The following ZNF330 variants were observed in gnomAD, a reference collection of about 807,000 sequenced individuals.
ZNF330 encodes zinc finger protein 330.
ZNF330 carries 31 observed loss-of-function variants against 45.5 expected under a neutral mutation model. The observed-to-expected ratio is 0.68, with a 90% CI of 0.51 to 0.92. ZNF330 has a LOEUF of 0.92. Ranked by LOEUF, ZNF330 falls within the 40% of genes least tolerant of loss-of-function variation. The pLI is 0.00. For missense variants in ZNF330, 356 were observed against 387.4 expected (o/e 0.92, Z 0.68); for synonymous variants, 138 against 123.2 (o/e 1.12, Z -0.79).
Position 141,234,625 on chromosome 4 carries a change from A to AAAT in ZNF330, c.*638_*640dup, listed in dbSNP as rs1465949534. 2 of 152,188 alleles carry AAAT rather than the reference A, an allele frequency of 1.3e-5. No homozygotes were observed. Among genetic ancestry groups the AAAT allele is most frequent in the Middle Eastern group, 3.2e-3 (1 of 316 alleles). The allele number at this position is 152,188 out of a possible 1,614,324, so 9.4% of individuals were successfully genotyped here. ...CCATTTTTCAGAGATACAGTATCAGAAATAGTATTATTACAGAAGCTTTAC... is the reference window on the plus strand; with the variant it reads ...CCATTTTTCAGAGATACAGTATCAGAAATAATAGTATTATTACAGAAGCTTTAC... On this transcript the variant is annotated 3_prime_UTR_variant, in exon 10 of 10. Transcript: ENST00000262990.
rs749682527 is a variant in ZNF330, at chr4:141,233,927, A to T, written c.901A>T (p.Asn301Tyr). ...TACTGAGTCATCAGATTTGTTTACT[A>T]ATTTGAATTTAGGAAGGACCTATGC... The part of the protein sequence containing the change: ...SDTESSDLFT[N>Y]LNLGRTYASG... The change falls in exon 10 of 10, where the codon AAT (asparagine) becomes TAT (tyrosine). Residue 301 changes from asparagine to tyrosine, a missense_variant. Coordinates refer to ENST00000262990, the MANE Select transcript of ZNF330 (RefSeq NM_014487.6). 5 of 1,613,630 alleles carry T rather than the reference A, an allele frequency of 3.1e-6. No individual in the cohort carries two copies. The highest frequency in any genetic ancestry group is 4.2e-6 in the Non-Finnish European group (5 of 1,179,760).
At chr4:141,222,290 T>C in intron 1 of ZNF330, 76 bp from the exon 2 acceptor site, 1 of 1,516,488 alleles carries the variant, frequency 6.6e-7, no homozygotes, top group Non-Finnish European at 8.9e-7. Flanking sequence ...CACTTTGTTA[T>C]ACTATTTCTT....
At chr4:141,227,066 A>G (rs561514356) in intron 5 of ZNF330, among the ~76,000 whole-genome samples, 2 of 151,054 alleles carry the variant, frequency 1.3e-5, no homozygotes, top group South Asian at 2.1e-4. Context: ...CATACAAGGC[A>G]TGGAAACTTT....
intron 4 of ZNF330, 58 bp downstream of exon 4, chr4:141,224,735 G>T: frequency 6.9e-7 from 1 of 1,459,356 alleles, no homozygotes; most frequent in South Asian, 1.2e-5. Flanking sequence ...TCAACAATTT[G>T]AACTTGGGTG....
chr4:141,222,276 A>G, intron 1 of ZNF330, 90 bp from the exon 2 acceptor site: 1 of 1,447,850 alleles, frequency 6.9e-7, no homozygotes. Context: ...AACAAGAAAA[A>G]GGACACTTTG....
In ZNF330 at chr4:141,233,932, G is replaced by A; in HGVS notation, c.906G>A (p.Leu302=). ...DTESSDLFTN[L]NLGRTYASGY... ...AGTCATCAGATTTGTTTACTAATTT[G>A]AATTTAGGAAGGACCTATGCTAGTG... Residue 302 remains leucine, a synonymous_variant, in exon 10 of 10, where the codon TTG becomes TTA. Transcript: ENST00000262990. 1 of 1,613,756 alleles carries A rather than the reference G, an allele frequency of 6.2e-7. No homozygotes were observed. The highest frequency in any genetic ancestry group is 8.5e-7 in the Non-Finnish European group (1 of 1,179,750).
chr4:141,228,937 G>A (rs1288279340), intron 5 of ZNF330, among the ~76,000 whole-genome samples: 2 of 151,882 alleles, frequency 1.3e-5, no homozygotes, highest in African/African-American at 2.4e-5. Context: ...ATGTTTTATT[G>A]AAACATATTG....
At position 141,224,516 on chromosome 4, in the gene ZNF330, ATTTCTT is replaced by A. The variant is rs1311728763; in HGVS notation, c.140+16_140+21del. 1.2e-6 allele frequency: 2 copies of A among 1,606,444 alleles called. No homozygotes were observed. Among genetic ancestry groups the A allele is most frequent in the African/African-American group, 2.7e-5 (2 of 74,700 alleles). ...GTGACAAGTGTCAGAGGTAAATTTT[ATTTCTT>A]TTTCTATCTACCTTTAATAAAATTG... On this transcript the variant is annotated intron_variant, in intron 3 of 9. Transcript: ENST00000262990.
intron 2 of ZNF330, chr4:141,223,962 G>A (rs1728743705): frequency 3.0e-6 from 1 of 337,962 alleles, no homozygotes. Flanking sequence ...AGTCTAAAAA[G>A]AATAGGCCAA....
chr4:141,223,506 G>A (rs1168366930), intron 2 of ZNF330, among the ~76,000 whole-genome samples: 1 of 152,150 alleles, frequency 6.6e-6, no homozygotes, highest in Non-Finnish European at 1.5e-5. Flanking sequence ...TAGCTTGCAT[G>A]TCTCACATCA....
intron 9 of ZNF330, 146 bp from the exon 10 acceptor site, chr4:141,233,569 C>T (rs1729009948): frequency 7.6e-7 from 1 of 1,324,282 alleles, no homozygotes; most frequent in Non-Finnish European, 1.0e-6. Context: ...TGTATATAGA[C>T]TCAGGTGAAA....
intron 4 of ZNF330, among the ~76,000 whole-genome samples, chr4:141,226,073 A>G (rs1728796460): frequency 6.6e-6 from 1 of 152,064 alleles, no homozygotes; most frequent in Non-Finnish European, 1.5e-5. Context: ...ATTAACTCTC[A>G]CATAATATCT....
intron 7 of ZNF330, among the ~76,000 whole-genome samples, chr4:141,231,224 G>A (rs976162242): frequency 1.3e-5 from 2 of 151,912 alleles, no homozygotes; most frequent in Non-Finnish European, 2.9e-5. Context: ...GCATTTTTGA[G>A]CCTTTCGTCG....
At chr4:141,230,133 C>T (rs751924329) in intron 6 of ZNF330, 33 bp from the exon 7 acceptor site, 15 of 1,441,688 alleles carry the variant, frequency 1.0e-5, no homozygotes, top group Non-Finnish European at 1.4e-5. Context: ...TAAAGTTTAT[C>T]TTAATTACAT....
At chr4:141,223,047 CTTTG>C (rs1342377971) in intron 2 of ZNF330, among the ~76,000 whole-genome samples, 1 of 152,138 alleles carries the variant, frequency 6.6e-6, no homozygotes, top group Non-Finnish European at 1.5e-5. Flanking sequence ...CCACTCCTTT[CTTTG>C]TTTTTCTTTT....
chr4:141,220,599 G>T (rs1031356794), upstream of ZNF330, among the ~76,000 whole-genome samples: 1 of 152,194 alleles, frequency 6.6e-6, no homozygotes, highest in East Asian at 1.9e-4. Flanking sequence ...GGTGGGGAAA[G>T]GTTTCCAACA....
At chr4:141,231,648 T>A (rs1728961711) in intron 8 of ZNF330, among the ~76,000 whole-genome samples, 163 bp downstream of exon 8, 1 of 152,106 alleles carries the variant, frequency 6.6e-6, no homozygotes, top group Admixed American at 6.5e-5. Context: ...TTGAGAAAGC[T>A]TACATGACTT....
chr4:141,221,533 A>G (rs10023024), intron 1 of ZNF330, among the ~76,000 whole-genome samples: 2,040 of 152,238 alleles, frequency 0.013, 44 homozygotes, highest in African/African-American at 0.045. Context: ...CATTTTACAT[A>G]TTGGAATGGT....
Position 141,220,944 on chromosome 4 carries a change from G to GA in ZNF330, c.-171_-170insA, listed in dbSNP as rs1672209367. 6.6e-6 allele frequency: 1 copy of GA among 152,288 alleles called. No individual in the cohort carries two copies. Among genetic ancestry groups the GA allele is most frequent in the South Asian group, 2.1e-4 (1 of 4,838 alleles). 9.4% of individuals were successfully genotyped at this position (152,288 alleles called of 1,614,324 possible). On this transcript the variant is annotated 5_prime_UTR_variant, in exon 1 of 10. Coordinates refer to ENST00000262990, the MANE Select transcript of ZNF330 (RefSeq NM_014487.6). ...CGTCTCCTAGTGTCCGGAATCGGCT[G>GA]TCAGCCTCCCTGGCTGTTAGTACCT...
Sources: gnomAD v4.1 joint callset for allele counts (sites outside exome capture counted in the v4.1 genomes callset) on GRCh38, gnomAD v4.1.1 for gene constraint, MANE v1.5 for transcripts, NCBI Gene and HGNC (gene_info 2026-07-23, HGNC 2026-07-21) for gene names.